Variants in ST6GALNAC3 observed in about 807,000 individuals in gnomAD.
The protein encoded by ST6GALNAC3 is ST6 N-acetylgalactosaminide alpha-2,6-sialyltransferase 3, also known as alpha-N-acetylgalactosaminide alpha-2,6-sialyltransferase 3.
Under a neutral mutation model 32.7 loss-of-function variants are expected in ST6GALNAC3, and 25 were observed. The ratio of observed to expected loss-of-function variants is 0.76; its 90% CI spans 0.56 to 1.07. The LOEUF is 1.07. Among genes scored for constraint, ST6GALNAC3 ranks in the 50% least tolerant of loss-of-function variants. The probability of loss-of-function intolerance (pLI) is 0.00; values close to 1 mark genes in which losing one functional copy is unlikely to be tolerated. For missense variants in ST6GALNAC3, 355 were observed against 382.4 expected, an observed-to-expected ratio of 0.93 and a Z score of 0.60; for synonymous variants, 129 against 133.1, an observed-to-expected ratio of 0.97 and a Z score of 0.21.
intron 1 of ST6GALNAC3, among the ~76,000 whole-genome samples, chr1:76,247,251 G>A (rs1274921495): frequency 2.6e-5 from 4 of 152,164 alleles, no homozygotes; most frequent in African/African-American, 9.7e-5. Flanking sequence ...CCTGTCAGGA[G>A]GTCTCTCACA....
At chr1:76,343,903 G>A (rs1648276314) in intron 2 of ST6GALNAC3, among the ~76,000 whole-genome samples, 1 of 152,120 alleles carries the variant, frequency 6.6e-6, no homozygotes, top group Non-Finnish European at 1.5e-5. Flanking sequence ...TATGAGAATT[G>A]CTTCAAGTGG....
chr1:76,599,468 G>A (rs1647186766), intron 3 of ST6GALNAC3, among the ~76,000 whole-genome samples: 2 of 151,580 alleles, frequency 1.3e-5, no homozygotes, highest in African/African-American at 4.9e-5. Flanking sequence ...CCTCCGACAG[G>A]CCCCAGTGTG....
At position 76,080,735 on chromosome 1, in the gene ST6GALNAC3, C is replaced by G. The variant is rs547612663; in HGVS notation, c.18+5851C>G. ...AGCATTTGAAAACAGTATGGCTTCA[C>G]TGAGACTGGAAAGCCACAGGGACTT... On this transcript the variant is annotated intron_variant, in intron 1 of 4. Coordinates refer to ENST00000328299, the MANE Select transcript of ST6GALNAC3 (RefSeq NM_152996.4). 2.0e-5 allele frequency among the ~76,000 whole-genome samples: 3 copies of G among 152,090 alleles called. No homozygotes were observed. The South Asian group carries it at 6.2e-4, about 32-fold the overall frequency.
intron 3 of ST6GALNAC3, among the ~76,000 whole-genome samples, chr1:76,610,118 C>G (rs772538773): frequency 3.3e-5 from 5 of 152,022 alleles, no homozygotes; most frequent in Non-Finnish European, 5.9e-5. Context: ...TTTCTGGGCT[C>G]TGGAACAATT....
chr1:76,184,772 T>A (rs1557680480), intron 1 of ST6GALNAC3, among the ~76,000 whole-genome samples: 1 of 152,130 alleles, frequency 6.6e-6, no homozygotes, highest in African/African-American at 2.4e-5. Flanking sequence ...AGGATGCTCA[T>A]TGCATGAAAA....
intron 1 of ST6GALNAC3, among the ~76,000 whole-genome samples, chr1:76,083,449 C>G (rs555092593): frequency 6.6e-6 from 1 of 152,178 alleles, no homozygotes; most frequent in Non-Finnish European, 1.5e-5. Context: ...AGAAGAGACA[C>G]GAGAACTGCT....
intron 1 of ST6GALNAC3, among the ~76,000 whole-genome samples, chr1:76,082,877 G>GTT (rs534228194): frequency 8.2e-5 from 12 of 146,138 alleles, no homozygotes; most frequent in South Asian, 4.3e-4. Flanking sequence ...CGTGTTTTTT[G>GTT]TTTTTTTTTT....
chr1:76,423,479 T>C (rs1407578137), intron 3 of ST6GALNAC3, among the ~76,000 whole-genome samples: 11 of 151,944 alleles, frequency 7.2e-5, no homozygotes, highest in Non-Finnish European at 8.8e-5. Context: ...TGAGAAGCAT[T>C]GAAAAAGAAC....
At chr1:76,435,875 T>G (rs1656105981) in intron 3 of ST6GALNAC3, among the ~76,000 whole-genome samples, 1 of 151,872 alleles carries the variant, frequency 6.6e-6, no homozygotes, top group Non-Finnish European at 1.5e-5. Context: ...TTTTTTAATG[T>G]TTTATTTCCA....
chr1:76,187,351 G>A (rs1006174124), intron 1 of ST6GALNAC3, among the ~76,000 whole-genome samples: 7 of 152,222 alleles, frequency 4.6e-5, no homozygotes, highest in Admixed American at 1.3e-4. Context: ...GTAGGCTGTG[G>A]TATATATGTG....
intron 1 of ST6GALNAC3, among the ~76,000 whole-genome samples, chr1:76,141,714 C>T (rs1367487032): frequency 1.3e-5 from 2 of 152,110 alleles, no homozygotes; most frequent in South Asian, 2.1e-4. Flanking sequence ...ACATCCCCTC[C>T]CATCTGGAAA....
intron 3 of ST6GALNAC3, among the ~76,000 whole-genome samples, chr1:76,487,496 C>T (rs535842603): frequency 2.4e-4 from 37 of 152,252 alleles, no homozygotes; most frequent in Non-Finnish European, 4.7e-4. Context: ...TCACTGTTAC[C>T]CTTTCTTCCA....
At chr1:76,283,131 A>G (rs1028499104) in intron 1 of ST6GALNAC3, among the ~76,000 whole-genome samples, 3 of 152,102 alleles carry the variant, frequency 2.0e-5, no homozygotes, top group African/African-American at 7.2e-5. Flanking sequence ...GAGCTTCCAC[A>G]GTACCCAAGA....
intron 1 of ST6GALNAC3, among the ~76,000 whole-genome samples, chr1:76,204,592 C>T (rs1024355780): frequency 2.0e-5 from 3 of 152,088 alleles, no homozygotes; most frequent in Non-Finnish European, 4.4e-5. Context: ...CCTGGATATC[C>T]AGAAGCAGTG....
intron 1 of ST6GALNAC3, among the ~76,000 whole-genome samples, chr1:76,155,721 C>G (rs1276672841): frequency 6.6e-6 from 1 of 152,076 alleles, no homozygotes; most frequent in South Asian, 2.1e-4. Flanking sequence ...TCGTGATCCA[C>G]CTGCCTTGGC....
intron 1 of ST6GALNAC3, among the ~76,000 whole-genome samples, chr1:76,218,667 G>A (rs541195372): frequency 5.9e-5 from 9 of 151,728 alleles, no homozygotes; most frequent in African/African-American, 1.5e-4. Context: ...CCCTCTTTCC[G>A]TCCTTTCTTT....
At position 76,277,615 on chromosome 1, in the gene ST6GALNAC3, C is replaced by T. The variant is rs11582275; in HGVS notation, c.19-36190C>T. On this transcript the variant is annotated intron_variant, in intron 1 of 4. Transcript: ENST00000328299. ...GTATATATATATATATATATATACA[C>T]ACACACACACACACACACACATTTC... 7.3e-3 allele frequency among the ~76,000 whole-genome samples: 376 copies of T among 51,780 alleles called. 2 individuals carry two copies. Among genetic ancestry groups the T allele is most frequent in the African/African-American group, 0.054 (339 of 6,278 alleles). The allele number at this position is 51,780 out of a possible 152,430, so 34.0% of individuals were successfully genotyped here.
At chr1:76,418,458 G>A (rs551107924) in intron 3 of ST6GALNAC3, among the ~76,000 whole-genome samples, 12 of 152,186 alleles carry the variant, frequency 7.9e-5, no homozygotes, top group African/African-American at 2.4e-4. Context: ...GTACAGAAAT[G>A]TGCATAGTTT....
intron 3 of ST6GALNAC3, among the ~76,000 whole-genome samples, chr1:76,474,449 TC>T (rs1263797425): frequency 2.6e-5 from 4 of 152,084 alleles, no homozygotes; most frequent in Non-Finnish European, 4.4e-5. Flanking sequence ...ACACTCTGTT[TC>T]TAGGAAAATA....
Sources: allele counts gnomAD v4.1 joint callset (sites outside exome capture counted in the v4.1 genomes callset), GRCh38; gene constraint gnomAD v4.1.1; transcripts MANE v1.5; gene names NCBI Gene and HGNC (gene_info 2026-07-23, HGNC 2026-07-21).